Variants in TCF4 observed in about 807,000 individuals in gnomAD.
TCF4 encodes transcription factor 4, also known as SL3-3 enhancer factor 2.
TCF4 carries 3 observed loss-of-function variants against 82.1 expected under a neutral mutation model. That is an observed-to-expected ratio of 0.04 (90% CI 0.02 to 0.09). TCF4 has a LOEUF of 0.09. TCF4 is among the 10% of genes least tolerant of loss of function. The pLI is 1.00. For synonymous variants in TCF4, 276 were observed against 309.6 expected (o/e 0.89, Z 1.14); for missense variants, 518 against 852.7 (o/e 0.61, Z 4.89).
At position 55,403,412 on chromosome 18, in the gene TCF4, G is replaced by C. The variant is rs372735061; in HGVS notation, c.369+42C>G. The C allele has an allele frequency of 3.1e-6, 5 of 1,606,628 alleles. No individual in the cohort carries two copies. The African/African-American group carries it at 6.7e-5, about 22-fold the overall frequency. On this transcript the variant is annotated intron_variant, in intron 6 of 19. Coordinates refer to ENST00000354452, the MANE Select transcript of TCF4 (RefSeq NM_001083962.2). ...TTTAGAAAACAAACTGATTTACCAG[G>C]TTAATCCTCTCAACCCTTCCGCAAC...
At chr18:55,365,266 TAC>T (rs555206960) in intron 6 of TCF4, among the ~76,000 whole-genome samples, 11 of 138,856 alleles carry the variant, frequency 7.9e-5, no homozygotes, top group Non-Finnish European at 1.1e-4. Context: ...TATATATATA[TAC>T]ACACACACAC....
chr18:55,413,204 T>C (rs2094417234), intron 5 of TCF4, among the ~76,000 whole-genome samples: 1 of 152,164 alleles, frequency 6.6e-6, no homozygotes, highest in Non-Finnish European at 1.5e-5. Context: ...ATAAGTGACA[T>C]TTTTAACCCC....
intron 8 of TCF4, among the ~76,000 whole-genome samples, chr18:55,282,851 A>T (rs930159354): frequency 1.3e-5 from 2 of 152,146 alleles, no homozygotes; most frequent in African/African-American, 4.8e-5. Context: ...TTCTCCAATA[A>T]TACGCTTAGA....
chr18:55,271,717 T>C (rs769702714), intron 10 of TCF4, among the ~76,000 whole-genome samples: 9 of 152,084 alleles, frequency 5.9e-5, no homozygotes, highest in Non-Finnish European at 1.2e-4. Context: ...TGCCACCTAA[T>C]GAACACCCAA....
At chr18:55,363,998 T>C (rs1446927771) in intron 6 of TCF4, among the ~76,000 whole-genome samples, 1 of 152,114 alleles carries the variant, frequency 6.6e-6, no homozygotes, top group Non-Finnish European at 1.5e-5. Flanking sequence ...AAGGAATGAA[T>C]TTGAAATTTG....
intron 3 of TCF4, among the ~76,000 whole-genome samples, chr18:55,576,466 G>A (rs188005387): frequency 2.6e-3 from 389 of 152,220 alleles, no homozygotes; most frequent in African/African-American, 9.0e-3. Flanking sequence ...TTTTTGCCTG[G>A]AAATCATCCC....
At chr18:55,258,362 G>A (rs988337317) in intron 13 of TCF4, among the ~76,000 whole-genome samples, 1 of 152,098 alleles carries the variant, frequency 6.6e-6, no homozygotes, top group African/African-American at 2.4e-5. Flanking sequence ...CCCAAAAAGT[G>A]GCATCTCTAG....
chr18:55,509,688 A>G (rs1281336320), intron 3 of TCF4, among the ~76,000 whole-genome samples: 2 of 152,170 alleles, frequency 1.3e-5, no homozygotes, highest in Non-Finnish European at 2.9e-5. Flanking sequence ...TGCCTCTAAT[A>G]AGTTAATATC....
chr18:55,270,974 G>A (rs1267684709), intron 10 of TCF4, among the ~76,000 whole-genome samples: 1 of 152,084 alleles, frequency 6.6e-6, no homozygotes, highest in Non-Finnish European at 1.5e-5. Flanking sequence ...TGGATTATGA[G>A]TCTTTATTAT....
chr18:55,586,253 G>A (rs1347493262), intron 2 of TCF4: 5 of 966,482 alleles, frequency 5.2e-6, no homozygotes, highest in Non-Finnish European at 7.6e-6. Flanking sequence ...CTTGGAAGGC[G>A]GTTTGGATTT....
intron 10 of TCF4, among the ~76,000 whole-genome samples, chr18:55,271,237 T>C (rs1414020249): frequency 1.3e-5 from 2 of 152,142 alleles, no homozygotes; most frequent in African/African-American, 4.8e-5. Flanking sequence ...TTCTGCACTA[T>C]TGTCTTTAAC....
At chr18:55,319,834 A>G (rs2075047141) in intron 8 of TCF4, among the ~76,000 whole-genome samples, 2 of 152,172 alleles carry the variant, frequency 1.3e-5, no homozygotes, top group African/African-American at 4.8e-5. Context: ...GCCAAAAGGG[A>G]GTTAAAAGGT....
chr18:55,322,236 T>G, intron 8 of TCF4: 1 of 1,057,982 alleles, frequency 9.5e-7, no homozygotes, highest in Non-Finnish European at 1.1e-6. Context: ...GTTAATTGAC[T>G]CCCCCTCTCT....
chr18:55,559,969 G>A (rs908659113), intron 3 of TCF4, among the ~76,000 whole-genome samples: 3 of 152,136 alleles, frequency 2.0e-5, no homozygotes, highest in Admixed American at 6.6e-5. Flanking sequence ...ACAGCTGCTG[G>A]ATCTAATTTT....
chr18:55,234,225 C>T (rs2048716547), intron 16 of TCF4, among the ~76,000 whole-genome samples: 1 of 152,046 alleles, frequency 6.6e-6, no homozygotes, highest in South Asian at 2.1e-4. Context: ...CATTTTCAGG[C>T]CACAACTAAC....
intron 6 of TCF4, among the ~76,000 whole-genome samples, chr18:55,387,729 C>T (rs1043464946): frequency 2.0e-5 from 3 of 152,182 alleles, no homozygotes; most frequent in South Asian, 2.1e-4. Flanking sequence ...TACAAGCAAA[C>T]GACACCCTCT....
At chr18:55,415,212 T>C in intron 5 of TCF4, among the ~76,000 whole-genome samples, 1 of 152,216 alleles carries the variant, frequency 6.6e-6, no homozygotes, top group Non-Finnish European at 1.5e-5. Context: ...ACACATTGCA[T>C]GTTATTTGAA....
At chr18:55,474,396 A>G (rs2096248214) in intron 3 of TCF4, among the ~76,000 whole-genome samples, 1 of 152,234 alleles carries the variant, frequency 6.6e-6, no homozygotes, top group Non-Finnish European at 1.5e-5. Flanking sequence ...GCTCTTATTC[A>G]TCTAAACTCC....
intron 2 of TCF4, among the ~76,000 whole-genome samples, chr18:55,612,420 C>T (rs1052490762): frequency 6.6e-6 from 1 of 151,980 alleles, no homozygotes; most frequent in Non-Finnish European, 1.5e-5. Context: ...CAAAGCTTAT[C>T]TGACATTGAG....
Sources: gnomAD v4.1 joint callset for allele counts (sites outside exome capture counted in the v4.1 genomes callset) on GRCh38, gnomAD v4.1.1 for gene constraint, MANE v1.5 for transcripts, NCBI Gene and HGNC (gene_info 2026-07-23, HGNC 2026-07-21) for gene names.